GLI3: variants seen among roughly 807,000 people sequenced by gnomAD.
The protein encoded by GLI3 is transcription activator GLI3.
GLI3 carries 20 observed loss-of-function variants against 100.8 expected under a neutral mutation model. The observed-to-expected ratio is 0.20, with a 90% CI of 0.14 to 0.29. The LOEUF (loss-of-function observed/expected upper bound fraction) is 0.29. Ranked by LOEUF, GLI3 falls within the 10% of genes least tolerant of loss-of-function variation. The probability of loss-of-function intolerance (pLI) is 1.00; values close to 1 mark genes in which losing one functional copy is unlikely to be tolerated. For synonymous variants in GLI3, 938 were observed against 860.5 expected, an observed-to-expected ratio of 1.09 and a Z score of -1.58; for missense variants, 2,040 against 2,128.5, an observed-to-expected ratio of 0.96 and a Z score of 0.82.
chr7:42,088,438 A>G (rs540310199), intron 3 of GLI3, among the ~76,000 whole-genome samples: 1 of 152,190 alleles, frequency 6.6e-6, no homozygotes, highest in African/African-American at 2.4e-5. Flanking sequence ...CTGGCTTCCT[A>G]TTTTGATTCT....
chr7:42,197,400 G>A (rs1787948452), intron 2 of GLI3, among the ~76,000 whole-genome samples: 1 of 152,210 alleles, frequency 6.6e-6, no homozygotes, highest in Non-Finnish European at 1.5e-5. Context: ...TCCCTTTCTA[G>A]AGAAATGCAA....
intron 10 of GLI3, among the ~76,000 whole-genome samples, chr7:42,011,958 C>T (rs764412708): frequency 2.5e-4 from 38 of 152,184 alleles, no homozygotes; most frequent in Non-Finnish European, 5.1e-4. Flanking sequence ...TTATGCTAGC[C>T]CAGTGAGTAC....
chr7:42,148,458 A>T lies in GLI3; in HGVS notation c.135T>A (p.Ser45Arg), dbSNP rs757308833. 6.8e-6 allele frequency: 11 copies of T among 1,613,812 alleles called. No individual in the cohort carries two copies. The Admixed American group carries it at 1.8e-4, about 27-fold the overall frequency. The change falls in exon 3 of 15, where the codon AGT becomes AGA. Residue 45 changes from serine (S) to arginine (R), a missense_variant. By Grantham distance (110) the Ser-to-Arg change is moderately radical. Around this residue, in one of 5 missense-constraint regions of GLI3, gnomAD observed 603 missense variants for 690.9 expected, o/e 0.87. Coordinates refer to ENST00000395925, the MANE Select transcript of GLI3 (RefSeq NM_000168.6). ...TCTCTCTGTGATAAGTCTGTCCAGG[A>T]CTTTCATCCTCTAAAGAAAGAAGAA... ...ASSTTSNEDE[S>R]PGQTYHRERR... is the part of the protein sequence containing the mutation.
intron 3 of GLI3, among the ~76,000 whole-genome samples, chr7:42,112,947 C>T (rs1311331235): frequency 6.6e-6 from 1 of 152,050 alleles, no homozygotes; most frequent in African/African-American, 2.4e-5. Flanking sequence ...CCGAGGTGGG[C>T]GGATCACTTG....
intron 10 of GLI3, among the ~76,000 whole-genome samples, chr7:41,992,110 G>A (rs554285426): frequency 2.2e-4 from 34 of 152,322 alleles, no homozygotes; most frequent in African/African-American, 7.0e-4. Context: ...AACTCTGGCA[G>A]CATCATAGAG....
At chr7:42,035,454 T>C (rs959822786) in intron 7 of GLI3, among the ~76,000 whole-genome samples, 2 of 152,182 alleles carry the variant, frequency 1.3e-5, no homozygotes, top group Non-Finnish European at 2.9e-5. Flanking sequence ...AGAAAAACAT[T>C]GCACTGTTTT....
chr7:42,184,516 C>G (rs2128684592), intron 2 of GLI3, among the ~76,000 whole-genome samples: 1 of 152,364 alleles, frequency 6.6e-6, no homozygotes, highest in Middle Eastern at 3.4e-3. Context: ...AACACCATAT[C>G]TGTTTCCTTC....
intron 2 of GLI3, among the ~76,000 whole-genome samples, chr7:42,221,360 C>A (rs148853497): frequency 4.6e-5 from 7 of 152,160 alleles, no homozygotes; most frequent in African/African-American, 1.7e-4. Flanking sequence ...ACAGGACAGG[C>A]GCTTCTGCAG....
At chr7:42,023,637 C>G in intron 9 of GLI3, 29 bp from the exon 10 acceptor site, 1 of 1,599,384 alleles carries the variant, frequency 6.3e-7, no homozygotes, top group African/African-American at 1.3e-5. Context: ...GGGCAGGGAA[C>G]AGAGAAGGGG....
rs537218397 is a variant in GLI3, at chr7:41,961,646, A to G, written c.*2684T>C. The G allele has an allele frequency of 6.6e-6, 1 of 152,354 alleles. No homozygotes were observed. The highest frequency in any genetic ancestry group is 2.4e-5 in the African/African-American group (1 of 41,580). 9.4% of individuals were successfully genotyped at this position (152,354 alleles called of 1,614,324 possible). ...TTAGAAAAGGCAGGATGGTGACACT[A>G]GTGAGGCGGTCCTCTCGCTCTAAAA... On this transcript the variant is annotated 3_prime_UTR_variant, in exon 15 of 15. Transcript: ENST00000395925.
intron 3 of GLI3, among the ~76,000 whole-genome samples, chr7:42,121,013 G>A (rs1325664821): frequency 6.6e-6 from 1 of 152,196 alleles, no homozygotes; most frequent in Non-Finnish European, 1.5e-5. Context: ...GAGATATTAT[G>A]TTCACTGGCT....
intron 7 of GLI3, among the ~76,000 whole-genome samples, chr7:42,029,144 G>GGCCA (rs1789211589): frequency 6.6e-6 from 1 of 152,184 alleles, no homozygotes; most frequent in South Asian, 2.1e-4. Context: ...CACAGACCTG[G>GGCCA]GCCAGGGCAG....
chr7:42,152,705 G>A (rs867040639), intron 2 of GLI3, among the ~76,000 whole-genome samples: 2 of 152,226 alleles, frequency 1.3e-5, no homozygotes, highest in African/African-American at 2.4e-5. Flanking sequence ...CTAAATAAAC[G>A]GTTTTACAAA....
In GLI3 at chr7:42,023,626, G is replaced by A. The variant is rs780590855; in HGVS notation, c.1357-18C>T. Reference sequence around the variant, plus strand: ...GGCTGTTCCTGAAAGAAGAGGGTGGGGGGCAGGGAACAGAGAAGGGGGAAG... The same window carrying A: ...GGCTGTTCCTGAAAGAAGAGGGTGGAGGGCAGGGAACAGAGAAGGGGGAAG... On this transcript the variant is annotated intron_variant, in intron 9 of 14. Coordinates refer to ENST00000395925, the MANE Select transcript of GLI3 (RefSeq NM_000168.6). 3 of 1,595,322 alleles carry A rather than the reference G, an allele frequency of 1.9e-6. No individual in the cohort carries two copies. The highest frequency in any genetic ancestry group is 1.1e-5 in the South Asian group (1 of 90,670).
intron 2 of GLI3, among the ~76,000 whole-genome samples, chr7:42,153,724 G>T (rs562961835): frequency 6.6e-6 from 1 of 152,140 alleles, no homozygotes; most frequent in Non-Finnish European, 1.5e-5. Context: ...ATAAAGTCAC[G>T]TTCAAATGAA....
intron 2 of GLI3, among the ~76,000 whole-genome samples, chr7:42,184,910 T>C (rs1188603746): frequency 6.6e-6 from 1 of 152,174 alleles, no homozygotes; most frequent in Non-Finnish European, 1.5e-5. Context: ...CATCTCCCTG[T>C]ACTCCTTCCT....
At chr7:42,033,787 C>G (rs1789362037) in intron 7 of GLI3, among the ~76,000 whole-genome samples, 1 of 152,034 alleles carries the variant, frequency 6.6e-6, no homozygotes. Context: ...TAGGGACACA[C>G]ATGCACACAT....
At position 41,978,668 on chromosome 7, in the gene GLI3, G is replaced by A; in HGVS notation, c.1578C>T (p.Pro526=). The change falls in exon 11 of 15, where the codon CCC becomes CCT. Residue 526 remains proline, a synonymous_variant. Coordinates refer to ENST00000395925, the MANE Select transcript of GLI3 (RefSeq NM_000168.6). The part of the protein sequence containing the change: ...RWLDCSREQK[P]FKAQYMLVVH... ...CTACCAACATATACTGGGCTTTGAA[G>A]GGTTTCTGCTCTCTTGAGCAGTCCA... 1 of 1,613,958 alleles carries A rather than the reference G, an allele frequency of 6.2e-7. No homozygotes were observed. The highest frequency in any genetic ancestry group is 8.5e-7 in the Non-Finnish European group (1 of 1,179,874).
At chr7:42,008,215 G>C (rs1788511816) in intron 10 of GLI3, among the ~76,000 whole-genome samples, 1 of 152,056 alleles carries the variant, frequency 6.6e-6, no homozygotes, top group Admixed American at 6.5e-5. Flanking sequence ...CCTTTCCCCT[G>C]GGTAAACATT....
Sources: allele counts gnomAD v4.1 joint callset (sites outside exome capture counted in the v4.1 genomes callset), GRCh38; gene constraint gnomAD v4.1.1; regional missense constraint gnomAD v4.1.1; transcripts MANE v1.5; gene names NCBI Gene and HGNC (gene_info 2026-07-23, HGNC 2026-07-21).